The following CCDC60 variants were observed in gnomAD, a reference collection of about 807,000 sequenced individuals.
CCDC60 encodes coiled-coil domain-containing protein 60.
In CCDC60, 54 loss-of-function variants were observed where a neutral mutation model predicts 63.5. The observed-to-expected ratio is 0.85, with a 90% confidence interval of 0.68 to 1.07. CCDC60 has a LOEUF of 1.07. Ranked by LOEUF, CCDC60 falls within the 50% of genes least tolerant of loss-of-function variation. The pLI, the probability that CCDC60 is intolerant of heterozygous loss-of-function variation, is 0.00. For missense variants in CCDC60, 651 were observed against 684.3 expected (o/e 0.95, Z 0.54); for synonymous variants, 206 against 238.8 (o/e 0.86, Z 1.27).
At chr12:119,374,000 TC>T (rs1269768409) in intron 1 of CCDC60, among the ~76,000 whole-genome samples, 1 of 152,116 alleles carries the variant, frequency 6.6e-6, no homozygotes, top group African/African-American at 2.4e-5. Context: ...TTTTTTTTTT[TC>T]TGCTCCTGAC....
At chr12:119,447,782 A>G (rs1020957123) in intron 2 of CCDC60, 3 of 152,576 alleles carry the variant, frequency 2.0e-5, no homozygotes, top group Non-Finnish European at 4.4e-5. Context: ...GACAGGTGGC[A>G]GGAAGTCACA....
chr12:119,509,158 C>A lies in CCDC60; in HGVS notation c.883+3855C>A, dbSNP rs866916451. Among the ~76,000 whole-genome samples, 3 of 152,292 alleles carry A rather than the reference C, an allele frequency of 2.0e-5. No individual in the cohort carries two copies. In the Middle Eastern group the frequency reaches 0.01, roughly 518 times the overall value. Reference sequence around the variant, plus strand: ...AACCCTACCCTCTTCACACCTATTGCTTTTGTCTTGAAGATAGAAAACTAG... The same window carrying A: ...AACCCTACCCTCTTCACACCTATTGATTTTGTCTTGAAGATAGAAAACTAG... On this transcript the variant is annotated intron_variant, in intron 7 of 13. Transcript: ENST00000327554.
At chr12:119,515,126 T>C (rs570952347) in intron 7 of CCDC60, among the ~76,000 whole-genome samples, 1 of 152,162 alleles carries the variant, frequency 6.6e-6, no homozygotes, top group Non-Finnish European at 1.5e-5. Context: ...CGCCTAATGA[T>C]GCATTTCTCA....
At chr12:119,346,829 TTTC>T (rs756117946) in intron 1 of CCDC60, among the ~76,000 whole-genome samples, 5,381 of 125,686 alleles carry the variant, frequency 0.043, 195 homozygotes, top group Non-Finnish European at 0.066. Flanking sequence ...TCTTTCTTTC[TTTC>T]TTTTTTTTTT....
intron 1 of CCDC60, among the ~76,000 whole-genome samples, chr12:119,424,883 C>T (rs989734729): frequency 1.3e-5 from 2 of 152,006 alleles, no homozygotes; most frequent in Admixed American, 1.3e-4. Context: ...CTTGGGGGTG[C>T]GTGCATCTCA....
intron 1 of CCDC60, among the ~76,000 whole-genome samples, chr12:119,409,149 G>A (rs767742909): frequency 2.6e-5 from 4 of 152,172 alleles, no homozygotes; most frequent in Admixed American, 6.5e-5. Flanking sequence ...GCCTACCACA[G>A]ACTCCGGTGT....
intron 1 of CCDC60, among the ~76,000 whole-genome samples, chr12:119,371,034 T>C (rs1463693983): frequency 6.6e-6 from 1 of 152,086 alleles, no homozygotes; most frequent in Non-Finnish European, 1.5e-5. Context: ...ACTGTCTCTA[T>C]TTTAAAAAAT....
At chr12:119,462,748 G>T (rs1334521371) in intron 2 of CCDC60, among the ~76,000 whole-genome samples, 1 of 152,108 alleles carries the variant, frequency 6.6e-6, no homozygotes, top group African/African-American at 2.4e-5. Flanking sequence ...AGCCTTTCAA[G>T]TAGCTGGGAC....
Position 119,504,270 on chromosome 12 carries a change from G to A in CCDC60, c.649-799G>A, listed in dbSNP as rs1951932017. ...CTGAAACTTGGATCATGAGTTATAC[G>A]AGGACATAACCCCAAACAGTGCATT... On this transcript the variant is annotated intron_variant, in intron 6 of 13. Transcript: ENST00000327554. Among the ~76,000 whole-genome samples, 5 of 152,104 alleles carry A rather than the reference G, an allele frequency of 3.3e-5. 1 individual carries two copies. The highest frequency in any genetic ancestry group is 3.3e-4 in the Admixed American group (5 of 15,272).
At chr12:119,345,982 ATTT>A (rs768961316) in intron 1 of CCDC60, among the ~76,000 whole-genome samples, 1 of 118,680 alleles carries the variant, frequency 8.4e-6, no homozygotes, top group Admixed American at 8.8e-5. Context: ...TACCCAGCTG[ATTT>A]TTTTTTTTTT....
intron 1 of CCDC60, among the ~76,000 whole-genome samples, chr12:119,390,351 A>G (rs539720137): frequency 1.3e-5 from 2 of 152,334 alleles, no homozygotes; most frequent in Non-Finnish European, 2.9e-5. Context: ...TGTTGTGCTT[A>G]CTAAATTTAT....
At chr12:119,360,386 G>T in intron 1 of CCDC60, among the ~76,000 whole-genome samples, 1 of 87,040 alleles carries the variant, frequency 1.1e-5, no homozygotes, top group Middle Eastern at 5.1e-3. Context: ...GGCCGGGCGG[G>T]GGGCTGACCC....
chr12:119,430,493 T>C (rs1950208477), intron 2 of CCDC60, among the ~76,000 whole-genome samples: 1 of 151,820 alleles, frequency 6.6e-6, no homozygotes, highest in Non-Finnish European at 1.5e-5. Flanking sequence ...GGTACAACCC[T>C]GTCTCTACTA....
At chr12:119,365,688 G>A (rs960082152) in intron 1 of CCDC60, among the ~76,000 whole-genome samples, 2 of 152,244 alleles carry the variant, frequency 1.3e-5, no homozygotes, top group African/African-American at 2.4e-5. Context: ...AGTGAGCAAA[G>A]AACGCTGCCT....
At chr12:119,363,962 C>T (rs1277231043) in intron 1 of CCDC60, among the ~76,000 whole-genome samples, 2 of 152,242 alleles carry the variant, frequency 1.3e-5, no homozygotes, top group Non-Finnish European at 1.5e-5. Context: ...CTAAGCAGCA[C>T]TCTTCACTCT....
intron 11 of CCDC60, chr12:119,524,493 G>A: frequency 1.0e-6 from 1 of 968,902 alleles, no homozygotes. Flanking sequence ...AGCACTAATG[G>A]GCTGAATGCT....
At chr12:119,360,649 C>G (rs370574740) in intron 1 of CCDC60, among the ~76,000 whole-genome samples, 1 of 150,900 alleles carries the variant, frequency 6.6e-6, no homozygotes, top group Non-Finnish European at 1.5e-5. Context: ...ACATCCCAGA[C>G]GATGGGCGGC....
At chr12:119,493,976 A>G (rs1951658607) in intron 5 of CCDC60, among the ~76,000 whole-genome samples, 1 of 152,244 alleles carries the variant, frequency 6.6e-6, no homozygotes. Context: ...ATTTATCTTA[A>G]GTGCATAACA....
chr12:119,509,891 C>T (rs1413955644), intron 7 of CCDC60, among the ~76,000 whole-genome samples: 1 of 152,100 alleles, frequency 6.6e-6, no homozygotes, highest in Admixed American at 6.6e-5. Context: ...TCAAGTCAGA[C>T]TTGATTGCTC....
Sources: allele counts gnomAD v4.1 joint callset (sites outside exome capture counted in the v4.1 genomes callset), GRCh38; gene constraint gnomAD v4.1.1; transcripts MANE v1.5; gene names NCBI Gene and HGNC (gene_info 2026-07-23, HGNC 2026-07-21).